The following ANK1 variants were observed in gnomAD, a reference collection of about 807,000 sequenced individuals.
The protein encoded by ANK1 is ankyrin 1.
ANK1 carries 51 observed loss-of-function variants against 210.4 expected under a neutral mutation model. That is an observed-to-expected ratio of 0.24 (90% CI 0.19 to 0.31). The LOEUF is 0.31. ANK1 is among the 10% of genes least tolerant of loss of function. ANK1 has a pLI of 1.00. For synonymous variants in ANK1, 967 were observed against 1,025.9 expected (o/e 0.94, Z 1.10); for missense variants, 2,051 against 2,504.4 (o/e 0.82, Z 3.86).
intron 1 of ANK1, among the ~76,000 whole-genome samples, chr8:41,803,953 A>G (rs1850550298): frequency 6.6e-6 from 1 of 152,180 alleles, no homozygotes; most frequent in Non-Finnish European, 1.5e-5. Flanking sequence ...TTGCACCTAT[A>G]TATTCATAAG....
At chr8:41,873,886 T>C (rs557656420) in intron 1 of ANK1, among the ~76,000 whole-genome samples, 1 of 152,346 alleles carries the variant, frequency 6.6e-6, no homozygotes, top group South Asian at 2.1e-4. Flanking sequence ...GGCAAACCTG[T>C]GGCCTTGGCT....
At chr8:41,831,301 ATACT>A (rs1322501576) in intron 1 of ANK1, among the ~76,000 whole-genome samples, 1 of 152,196 alleles carries the variant, frequency 6.6e-6, no homozygotes, top group Non-Finnish European at 1.5e-5. Flanking sequence ...TAACAGTAAC[ATACT>A]TTGCACATGA....
In ANK1 at chr8:41,692,997, G is replaced by A. The variant is rs1052094990; in HGVS notation, c.3629+108C>T. 2.6e-6 allele frequency: 4 copies of A among 1,511,996 alleles called. No homozygotes were observed. The African/African-American group carries it at 5.5e-5, about 21-fold the overall frequency. 93.7% of individuals were successfully genotyped at this position (1,511,996 alleles called of 1,614,324 possible). ...TATTGCCACACCTGTGGTCACGGAG[G>A]CTTCCACATGGAGGGGACAGTGAGG... On this transcript the variant is annotated intron_variant, in intron 30 of 42. Transcript: ENST00000289734.
intron 1 of ANK1, among the ~76,000 whole-genome samples, chr8:41,781,316 C>T (rs1003966510): frequency 6.6e-6 from 1 of 152,212 alleles, no homozygotes; most frequent in African/African-American, 2.4e-5. Flanking sequence ...CACACAAGCC[C>T]AACAGCCAGG....
chr8:41,854,797 T>C (rs1022906385), intron 1 of ANK1, among the ~76,000 whole-genome samples: 1 of 152,002 alleles, frequency 6.6e-6, no homozygotes, highest in Admixed American at 6.6e-5. Context: ...ATTGTTTTTT[T>C]AAATTAGTCA....
intron 18 of ANK1, 40 bp downstream of exon 18, chr8:41,706,103 A>C (rs1341860776): frequency 1.3e-6 from 2 of 1,555,582 alleles, no homozygotes; most frequent in East Asian, 2.2e-5. Flanking sequence ...AGTGTGAGCA[A>C]GGAGTCCACA....
chr8:41,831,727 C>A (rs1376588696), intron 1 of ANK1, among the ~76,000 whole-genome samples: 1 of 151,778 alleles, frequency 6.6e-6, no homozygotes, highest in African/African-American at 2.4e-5. Context: ...TAAGAAGGTA[C>A]CTGTACCCAA....
intron 22 of ANK1, among the ~76,000 whole-genome samples, chr8:41,699,850 T>C (rs1822210177): frequency 6.6e-6 from 1 of 152,238 alleles, no homozygotes; most frequent in Non-Finnish European, 1.5e-5. Context: ...CTTTTAGCTG[T>C]GCAATGGCAC....
Position 41,661,424 on chromosome 8 carries a change from C to G in ANK1, c.*36+6G>C, listed in dbSNP as rs1042939443. ...CATGCAGAGGGGATGAGAAGGGCAGCGTTACCTCCCGAGAGGCTACTCCAA... is the reference window on the plus strand; with the variant it reads ...CATGCAGAGGGGATGAGAAGGGCAGGGTTACCTCCCGAGAGGCTACTCCAA... On this transcript the variant is annotated splice_donor_region_variant and intron_variant, in intron 42 of 42. Transcript: ENST00000289734. The G allele has an allele frequency of 1.2e-6, 2 of 1,613,804 alleles. No individual in the cohort carries two copies. Among genetic ancestry groups the G allele is most frequent in the Non-Finnish European group, 1.7e-6 (2 of 1,179,998 alleles).
intron 1 of ANK1, among the ~76,000 whole-genome samples, chr8:41,856,792 T>C (rs1166000547): frequency 1.3e-5 from 2 of 151,606 alleles, no homozygotes; most frequent in Non-Finnish European, 2.9e-5. Flanking sequence ...ATCCAAAACA[T>C]TTCTGGTCCC....
intron 40 of ANK1, among the ~76,000 whole-genome samples, chr8:41,662,357 G>A (rs949515786): frequency 6.6e-6 from 1 of 152,152 alleles, no homozygotes; most frequent in African/African-American, 2.4e-5. Flanking sequence ...TTTTGTCCTA[G>A]GAGCCCCTCC....
intron 1 of ANK1, among the ~76,000 whole-genome samples, chr8:41,865,532 G>T (rs908130748): frequency 6.6e-6 from 1 of 152,032 alleles, no homozygotes; most frequent in Non-Finnish European, 1.5e-5. Flanking sequence ...CCAAATTCAC[G>T]GGTCCCACTG....
At position 41,782,832 on chromosome 8, in the gene ANK1, C is replaced by G. The variant is rs185421226; in HGVS notation, c.27+14680G>C. On this transcript the variant is annotated intron_variant, in intron 1 of 42. Transcript: ENST00000289734. ...AAAAATTCCATCCTGTTCAGCTTAT[C>G]AAATTTCAAGTATTTCATTAACTTG... Among the ~76,000 whole-genome samples the G allele has an allele frequency of 2.6e-5, 4 of 152,270 alleles. No individual in the cohort carries two copies. The East Asian group carries it at 7.7e-4, about 29-fold the overall frequency.
At chr8:41,715,543 G>T in intron 14 of ANK1, 109 bp downstream of exon 14, 1 of 1,383,824 alleles carries the variant, frequency 7.2e-7, no homozygotes, top group Non-Finnish European at 1.0e-6. Context: ...CCAGCTGCTT[G>T]CAGCATCATT....
chr8:41,810,980 G>A (rs187026007), intron 1 of ANK1, among the ~76,000 whole-genome samples: 121 of 152,342 alleles, frequency 7.9e-4, no homozygotes, highest in African/African-American at 2.7e-3. Context: ...TTCTTGGTCT[G>A]CAGAAATGCT....
chr8:41,758,543 T>C (rs1479440034), intron 1 of ANK1, among the ~76,000 whole-genome samples: 1 of 152,040 alleles, frequency 6.6e-6, no homozygotes, highest in African/African-American at 2.4e-5. Flanking sequence ...GGCATCACTA[T>C]GTTGCTCAGG....
chr8:41,829,725 A>C (rs1284540609), intron 1 of ANK1: 3 of 152,198 alleles, frequency 2.0e-5, no homozygotes, highest in African/African-American at 7.2e-5. Flanking sequence ...TCACGAGGTC[A>C]AGAGATCGAG....
At chr8:41,768,917 G>A (rs916241831) in intron 1 of ANK1, among the ~76,000 whole-genome samples, 1 of 152,182 alleles carries the variant, frequency 6.6e-6, no homozygotes, top group Non-Finnish European at 1.5e-5. Context: ...GCTGCAGTGA[G>A]CTATGATTGC....
intron 1 of ANK1, among the ~76,000 whole-genome samples, chr8:41,827,820 C>T (rs1250575767): frequency 1.3e-5 from 2 of 151,396 alleles, no homozygotes; most frequent in Non-Finnish European, 2.9e-5. Flanking sequence ...CACCCACATA[C>T]ACACACGCAC....
Sources: allele counts gnomAD v4.1 joint callset (sites outside exome capture counted in the v4.1 genomes callset), GRCh38; gene constraint gnomAD v4.1.1; transcripts MANE v1.5; gene names NCBI Gene and HGNC (gene_info 2026-07-23, HGNC 2026-07-21).